Variants in GPC5 observed in about 807,000 individuals in gnomAD.
The protein encoded by GPC5 is glypican-5.
Under a neutral mutation model 53.9 loss-of-function variants are expected in GPC5, and 47 were observed. That is an observed-to-expected ratio of 0.87 (90% CI 0.69 to 1.11). The LOEUF (loss-of-function observed/expected upper bound fraction) is 1.11. Among genes scored for constraint, GPC5 ranks in the 50% most tolerant of loss-of-function variants. The pLI, the probability that GPC5 is intolerant of heterozygous loss-of-function variation, is 0.00. For missense variants in GPC5, 748 were observed against 713.1 expected (o/e 1.05, Z -0.56); for synonymous variants, 286 against 263.3 (o/e 1.09, Z -0.84).
At chr13:91,828,949 TA>T (rs1272395656) in intron 5 of GPC5, among the ~76,000 whole-genome samples, 5 of 152,084 alleles carry the variant, frequency 3.3e-5, no homozygotes, top group Non-Finnish European at 7.4e-5. Context: ...CACTAATGGG[TA>T]ATATTTTGAT....
At chr13:92,615,286 A>G (rs779337616) in intron 7 of GPC5, among the ~76,000 whole-genome samples, 13 of 152,230 alleles carry the variant, frequency 8.5e-5, no homozygotes, top group Non-Finnish European at 1.8e-4. Context: ...CAATAGGAAT[A>G]TTTTATTTCA....
intron 7 of GPC5, among the ~76,000 whole-genome samples, chr13:92,507,820 C>T (rs1594259696): frequency 1.3e-5 from 2 of 151,970 alleles, no homozygotes; most frequent in East Asian, 1.9e-4. Flanking sequence ...AATCCTCATA[C>T]ATTTAATGGT....
In GPC5 at chr13:92,352,668, A is replaced by G. The variant is rs370005060; in HGVS notation, c.1561+207679A>G. Among the ~76,000 whole-genome samples, 8 of 152,316 alleles carry G rather than the reference A, an allele frequency of 5.3e-5. No homozygotes were observed. The East Asian group carries it at 1.4e-3, about 26-fold the overall frequency. On this transcript the variant is annotated intron_variant, in intron 7 of 7. Transcript: ENST00000377067. ...AGCCCTCTGATGCCATTTTCCACCTATTGTATCACCAAGAATATTAAGTCT... is the reference window on the plus strand; with the variant it reads ...AGCCCTCTGATGCCATTTTCCACCTGTTGTATCACCAAGAATATTAAGTCT...
At chr13:91,539,967 C>T (rs1036478164) in intron 2 of GPC5, among the ~76,000 whole-genome samples, 1 of 152,044 alleles carries the variant, frequency 6.6e-6, no homozygotes, top group African/African-American at 2.4e-5. Flanking sequence ...ACATTCCTTT[C>T]ATGTATTACA....
chr13:91,459,392 T>TG (rs1881783057), intron 2 of GPC5, among the ~76,000 whole-genome samples: 1 of 152,008 alleles, frequency 6.6e-6, no homozygotes, highest in African/African-American at 2.4e-5. Flanking sequence ...GTGACTTGGG[T>TG]GTTTGCAGTG....
chr13:91,890,928 A>C (rs571050215), intron 5 of GPC5, among the ~76,000 whole-genome samples: 1 of 152,224 alleles, frequency 6.6e-6, no homozygotes, highest in Non-Finnish European at 1.5e-5. Flanking sequence ...TTCTTATCCT[A>C]GTTTGCACTT....
chr13:92,801,626 G>A (rs1170407410), intron 7 of GPC5, among the ~76,000 whole-genome samples: 1 of 151,690 alleles, frequency 6.6e-6, no homozygotes, highest in East Asian at 1.9e-4. Context: ...ACAGCTTCCT[G>A]TATGTTCTTG....
intron 7 of GPC5, among the ~76,000 whole-genome samples, chr13:92,215,354 C>G (rs2042402412): frequency 6.6e-6 from 1 of 152,114 alleles, no homozygotes; most frequent in Admixed American, 6.5e-5. Context: ...TTGCATCACC[C>G]TTTTAATTGA....
At chr13:91,694,248 C>A (rs1566616450) in intron 3 of GPC5, among the ~76,000 whole-genome samples, 1 of 152,102 alleles carries the variant, frequency 6.6e-6, no homozygotes, top group Non-Finnish European at 1.5e-5. Flanking sequence ...TTGAAGTATT[C>A]TTTTTTGGGA....
chr13:91,547,210 A>G (rs1301007025), intron 2 of GPC5, among the ~76,000 whole-genome samples: 1 of 152,138 alleles, frequency 6.6e-6, no homozygotes, highest in African/African-American at 2.4e-5. Context: ...TGTTCAGAAG[A>G]TATTTAGCAA....
intron 2 of GPC5, among the ~76,000 whole-genome samples, chr13:91,629,852 T>C (rs2034111005): frequency 6.6e-6 from 1 of 152,134 alleles, no homozygotes; most frequent in African/African-American, 2.4e-5. Context: ...CACTGTAATA[T>C]GTATTCAAGA....
intron 2 of GPC5, among the ~76,000 whole-genome samples, chr13:91,465,460 G>GT (rs1010304105): frequency 1.5e-4 from 23 of 151,152 alleles, no homozygotes; most frequent in South Asian, 4.2e-4. Context: ...AAGTACTACA[G>GT]TTTTTTTTTC....
chr13:92,794,677 T>C (rs1876592159), intron 7 of GPC5, among the ~76,000 whole-genome samples: 1 of 152,128 alleles, frequency 6.6e-6, no homozygotes, highest in Non-Finnish European at 1.5e-5. Context: ...ATAAGCAACT[T>C]CAGTAAAGTC....
At chr13:91,561,159 TCTTA>T (rs1168245352) in intron 2 of GPC5, among the ~76,000 whole-genome samples, 1 of 152,094 alleles carries the variant, frequency 6.6e-6, no homozygotes, top group Non-Finnish European at 1.5e-5. Context: ...TTACTTCATT[TCTTA>T]CTTAGGATGG....
At chr13:92,842,209 C>T (rs1025047728) in intron 7 of GPC5, among the ~76,000 whole-genome samples, 2 of 152,086 alleles carry the variant, frequency 1.3e-5, no homozygotes, top group African/African-American at 4.8e-5. Context: ...AACTTACAAA[C>T]TAACAAATAA....
At chr13:92,031,988 T>TATATACAAATAATTGTATATAATATATA (rs2040855335) in intron 6 of GPC5, among the ~76,000 whole-genome samples, 1 of 129,844 alleles carries the variant, frequency 7.7e-6, no homozygotes, top group Non-Finnish European at 1.6e-5. Context: ...TTACATATAT[T>TATATACAAATAATTGTATATAATATATA]ATATACAAAT....
At position 92,488,028 on chromosome 13, in the gene GPC5, C is replaced by A. The variant is rs77935331; in HGVS notation, c.1561+343039C>A. Among the ~76,000 whole-genome samples the A allele has an allele frequency of 4.7e-3, 715 of 151,948 alleles. 6 individuals are homozygous for A. The highest frequency in any genetic ancestry group is 0.016 in the African/African-American group (673 of 41,452). Reference sequence around the variant, plus strand: ...ATTTTTGAAGTCATCAAACTGTATACTTATAATATTTGCTCTTTTCTTCAT... The same window carrying A: ...ATTTTTGAAGTCATCAAACTGTATAATTATAATATTTGCTCTTTTCTTCAT... On this transcript the variant is annotated intron_variant, in intron 7 of 7. Coordinates refer to ENST00000377067, the MANE Select transcript of GPC5 (RefSeq NM_004466.6).
At chr13:92,697,881 G>C (rs1421121471) in intron 7 of GPC5, among the ~76,000 whole-genome samples, 1 of 152,124 alleles carries the variant, frequency 6.6e-6, no homozygotes, top group African/African-American at 2.4e-5. Flanking sequence ...TCAATACCTA[G>C]TTTATTGAGA....
chr13:91,561,452 C>T (rs889628676), intron 2 of GPC5, among the ~76,000 whole-genome samples: 8 of 152,136 alleles, frequency 5.3e-5, no homozygotes, highest in African/African-American at 1.9e-4. Context: ...TTTAATTAAC[C>T]TGTTTGGTCT....
Sources: gnomAD v4.1 joint callset for allele counts (sites outside exome capture counted in the v4.1 genomes callset) on GRCh38, gnomAD v4.1.1 for gene constraint, MANE v1.5 for transcripts, NCBI Gene and HGNC (gene_info 2026-07-23, HGNC 2026-07-21) for gene names.